RABGAP1L: variants seen among roughly 807,000 people sequenced by gnomAD.
The protein encoded by RABGAP1L is rab GTPase-activating protein 1-like.
Under a neutral mutation model 137.7 loss-of-function variants are expected in RABGAP1L, and 63 were observed. The observed-to-expected ratio is 0.46, with a 90% confidence interval of 0.37 to 0.56. The LOEUF is 0.56. RABGAP1L is among the 20% of genes least tolerant of loss of function. The pLI is 0.00. For synonymous variants in RABGAP1L, 431 were observed against 433.7 expected, an observed-to-expected ratio of 0.99 and a Z score of 0.08; for missense variants, 1,095 against 1,244.0, an observed-to-expected ratio of 0.88 and a Z score of 1.80.
At chr1:174,498,615 G>A (rs1293072480) in intron 13 of RABGAP1L, among the ~76,000 whole-genome samples, 10 of 151,560 alleles carry the variant, frequency 6.6e-5, no homozygotes, top group Non-Finnish European at 1.3e-4. Context: ...TCCTGCCTCA[G>A]CTTCCTGAGT....
intron 13 of RABGAP1L, among the ~76,000 whole-genome samples, chr1:174,396,566 G>A (rs1398449754): frequency 6.6e-6 from 1 of 151,890 alleles, no homozygotes; most frequent in Non-Finnish European, 1.5e-5. Flanking sequence ...ATAACTCTGG[G>A]TATCAAATTA....
intron 13 of RABGAP1L, among the ~76,000 whole-genome samples, chr1:174,621,041 T>G (rs1672407106): frequency 3.3e-5 from 5 of 151,828 alleles, no homozygotes; most frequent in Admixed American, 3.3e-4. Context: ...CTAGAAGAAA[T>G]GGATAAATTC....
At chr1:174,856,902 G>T (rs1558155274) in intron 19 of RABGAP1L, among the ~76,000 whole-genome samples, 1 of 151,790 alleles carries the variant, frequency 6.6e-6, no homozygotes, top group Non-Finnish European at 1.5e-5. Context: ...ATTCCAGCCT[G>T]GGAGACAGAG....
chr1:174,355,702 G>A (rs1168922705), intron 11 of RABGAP1L, among the ~76,000 whole-genome samples: 4 of 151,914 alleles, frequency 2.6e-5, no homozygotes, highest in South Asian at 2.1e-4. Flanking sequence ...CCTAGGTCTC[G>A]AGTATTTTTG....
At chr1:174,547,654 G>A (rs1011666647) in intron 13 of RABGAP1L, among the ~76,000 whole-genome samples, 3 of 151,886 alleles carry the variant, frequency 2.0e-5, no homozygotes, top group Non-Finnish European at 4.4e-5. Context: ...TATACCATAG[G>A]GCTTAACTTT....
At chr1:174,867,107 C>T (rs1286983419) in intron 19 of RABGAP1L, among the ~76,000 whole-genome samples, 1 of 150,904 alleles carries the variant, frequency 6.6e-6, no homozygotes, top group Non-Finnish European at 1.5e-5. Flanking sequence ...AGATAGCCAG[C>T]CATGGTGGCT....
intron 19 of RABGAP1L, among the ~76,000 whole-genome samples, chr1:174,822,033 C>T (rs538874872): frequency 1.3e-5 from 2 of 152,284 alleles, no homozygotes; most frequent in African/African-American, 2.4e-5. Flanking sequence ...GAGGCCGAGG[C>T]GGGTGGATCA....
At chr1:174,602,232 T>G (rs1670467968) in intron 13 of RABGAP1L, among the ~76,000 whole-genome samples, 1 of 152,182 alleles carries the variant, frequency 6.6e-6, no homozygotes. Flanking sequence ...AAAAAGAGGT[T>G]TAATTGGACT....
intron 13 of RABGAP1L, 65 bp downstream of exon 13, chr1:174,394,210 T>C (rs1382479851): frequency 6.4e-7 from 1 of 1,554,744 alleles, no homozygotes; most frequent in Non-Finnish European, 8.7e-7. Flanking sequence ...CTAGTTTTCA[T>C]AGCTCCCATA....
At chr1:174,372,096 A>G (rs966517235) in intron 12 of RABGAP1L, among the ~76,000 whole-genome samples, 2 of 152,168 alleles carry the variant, frequency 1.3e-5, no homozygotes, top group Admixed American at 1.3e-4. Flanking sequence ...CATTTTATGT[A>G]TCCTTACACA....
intron 13 of RABGAP1L, among the ~76,000 whole-genome samples, chr1:174,616,753 T>C (rs953601851): frequency 6.6e-6 from 1 of 152,236 alleles, no homozygotes; most frequent in African/African-American, 2.4e-5. Flanking sequence ...GTTTTATACT[T>C]CAGTTTTAAA....
At chr1:174,796,084 A>G (rs910622636) in intron 18 of RABGAP1L, among the ~76,000 whole-genome samples, 1 of 152,252 alleles carries the variant, frequency 6.6e-6, no homozygotes, top group Non-Finnish European at 1.5e-5. Context: ...TCCAAAAGAA[A>G]TGTGAGAAAT....
chr1:174,233,380 G>A (rs892125524), intron 4 of RABGAP1L, among the ~76,000 whole-genome samples: 5 of 148,024 alleles, frequency 3.4e-5, no homozygotes, highest in Admixed American at 6.7e-5. Flanking sequence ...TCGTCATCTA[G>A]CATTAGGTAT....
At chr1:174,206,592 T>A (rs1388269977) in intron 1 of RABGAP1L, among the ~76,000 whole-genome samples, 3 of 152,298 alleles carry the variant, frequency 2.0e-5, no homozygotes, top group Admixed American at 2.0e-4. Context: ...CTCACCCTTA[T>A]ATTTTTAGGT....
intron 13 of RABGAP1L, among the ~76,000 whole-genome samples, chr1:174,433,995 T>C (rs1652942963): frequency 1.3e-5 from 2 of 152,142 alleles, no homozygotes; most frequent in African/African-American, 4.8e-5. Context: ...CATGCATGTG[T>C]GTAACCACAT....
intron 19 of RABGAP1L, among the ~76,000 whole-genome samples, chr1:174,839,295 G>A (rs1693131175): frequency 6.6e-6 from 1 of 152,062 alleles, no homozygotes; most frequent in African/African-American, 2.4e-5. Flanking sequence ...TTATTTTCAT[G>A]TGAAACCTTA....
At chr1:174,416,863 GATT>G (rs897873918) in intron 13 of RABGAP1L, among the ~76,000 whole-genome samples, 68 of 152,204 alleles carry the variant, frequency 4.5e-4, no homozygotes, top group African/African-American at 1.4e-3. Context: ...TTTGTAAGAT[GATT>G]ATTATATCTA....
chr1:174,743,771 A>G (rs1000261707), intron 17 of RABGAP1L, among the ~76,000 whole-genome samples: 8 of 152,124 alleles, frequency 5.3e-5, no homozygotes, highest in African/African-American at 1.4e-4. Flanking sequence ...CTGTACAAAC[A>G]AGTGTAAACC....
intron 13 of RABGAP1L, among the ~76,000 whole-genome samples, chr1:174,425,426 C>T (rs1651837963): frequency 6.6e-6 from 1 of 151,976 alleles, no homozygotes; most frequent in African/African-American, 2.4e-5. Context: ...CTCTGTCATC[C>T]AGTGAATAAG....
Sources: allele counts gnomAD v4.1 joint callset (sites outside exome capture counted in the v4.1 genomes callset), GRCh38; gene constraint gnomAD v4.1.1; transcripts MANE v1.5; gene names NCBI Gene and HGNC (gene_info 2026-07-23, HGNC 2026-07-21).